The following TMEM163 variants were observed in gnomAD, a reference collection of about 807,000 sequenced individuals.
TMEM163 encodes transmembrane protein 163.
A neutral mutation model predicts 29.3 loss-of-function variants in TMEM163; 17 were observed. The observed-to-expected ratio is 0.58, with a 90% CI of 0.40 to 0.87. The LOEUF is 0.87. Among genes scored for constraint, TMEM163 ranks in the 40% least tolerant of loss-of-function variants. The probability of loss-of-function intolerance (pLI) is 0.00; values close to 1 mark genes in which losing one functional copy is unlikely to be tolerated. For missense variants in TMEM163, 303 were observed against 381.5 expected, an observed-to-expected ratio of 0.79 and a Z score of 1.71; for synonymous variants, 157 against 160.6, an observed-to-expected ratio of 0.98 and a Z score of 0.17.
intron 4 of TMEM163, among the ~76,000 whole-genome samples, chr2:134,516,115 C>CAT (rs1242493312): frequency 6.6e-6 from 1 of 152,132 alleles, no homozygotes; most frequent in African/African-American, 2.4e-5. Context: ...CTCAGCTGTT[C>CAT]ATAGCTTCTT....
intron 4 of TMEM163, among the ~76,000 whole-genome samples, chr2:134,526,258 G>A (rs908344992): frequency 2.6e-5 from 4 of 152,308 alleles, no homozygotes; most frequent in African/African-American, 7.2e-5. Flanking sequence ...AAAAGGGAGC[G>A]TACACTTCAG....
At chr2:134,624,971 A>G (rs1682816385) in intron 2 of TMEM163, among the ~76,000 whole-genome samples, 1 of 152,086 alleles carries the variant, frequency 6.6e-6, no homozygotes, top group African/African-American at 2.4e-5. Flanking sequence ...TCCACAATGA[A>G]CCCTTTTTAT....
chr2:134,470,218 G>A (rs1466848483), intron 5 of TMEM163, among the ~76,000 whole-genome samples: 2 of 152,116 alleles, frequency 1.3e-5, no homozygotes, highest in East Asian at 1.9e-4. Flanking sequence ...TTAGCTGGGC[G>A]CGGTGGCGGG....
At chr2:134,530,044 T>C (rs1043323665) in intron 4 of TMEM163, among the ~76,000 whole-genome samples, 5 of 151,878 alleles carry the variant, frequency 3.3e-5, no homozygotes, top group Admixed American at 3.3e-4. Flanking sequence ...CACAGGAAAA[T>C]TAGACATACA....
At chr2:134,633,520 A>G (rs1168590603) in intron 2 of TMEM163, among the ~76,000 whole-genome samples, 1 of 152,198 alleles carries the variant, frequency 6.6e-6, no homozygotes, top group Non-Finnish European at 1.5e-5. Flanking sequence ...AAAATTAGAA[A>G]GATGGGAGCT....
chr2:134,672,839 T>C (rs987233717), intron 2 of TMEM163, among the ~76,000 whole-genome samples: 5 of 152,126 alleles, frequency 3.3e-5, no homozygotes, highest in African/African-American at 1.2e-4. Flanking sequence ...CCATCAATTC[T>C]ACCTCCCCAT....
At chr2:134,584,832 A>G (rs984391792) in intron 2 of TMEM163, among the ~76,000 whole-genome samples, 4 of 152,142 alleles carry the variant, frequency 2.6e-5, no homozygotes, top group Non-Finnish European at 5.9e-5. Flanking sequence ...GTAAACTTAG[A>G]GTAGTATTTC....
chr2:134,689,404 G>C (rs1364515271), intron 2 of TMEM163, among the ~76,000 whole-genome samples: 1 of 152,126 alleles, frequency 6.6e-6, no homozygotes, highest in Non-Finnish European at 1.5e-5. Flanking sequence ...CACCATGCCT[G>C]GAGACAATTT....
At chr2:134,638,624 C>A (rs1301868721) in intron 2 of TMEM163, among the ~76,000 whole-genome samples, 3 of 152,084 alleles carry the variant, frequency 2.0e-5, no homozygotes, top group African/African-American at 4.8e-5. Context: ...GATTTAGGAC[C>A]AATACAGGAG....
chr2:134,512,660 A>G (rs577831213), intron 4 of TMEM163, among the ~76,000 whole-genome samples: 2 of 152,320 alleles, frequency 1.3e-5, no homozygotes, highest in African/African-American at 4.8e-5. Context: ...ATGCAGGTAT[A>G]GGGAGAAGCA....
At chr2:134,698,495 T>C (rs1466213947) in intron 2 of TMEM163, among the ~76,000 whole-genome samples, 1 of 152,242 alleles carries the variant, frequency 6.6e-6, no homozygotes, top group Non-Finnish European at 1.5e-5. Flanking sequence ...TAAGCCCATT[T>C]TATTAGTCTT....
chr2:134,555,791 T>A (rs1681036261), intron 2 of TMEM163, among the ~76,000 whole-genome samples: 1 of 152,242 alleles, frequency 6.6e-6, no homozygotes, highest in African/African-American at 2.4e-5. Flanking sequence ...TGAAGATGTG[T>A]CATTTGGGGC....
intron 6 of TMEM163, among the ~76,000 whole-genome samples, chr2:134,465,199 AAAAACAAAAAC>A (rs1033291023): frequency 8.7e-6 from 1 of 114,612 alleles, no homozygotes; most frequent in African/African-American, 4.3e-5. Flanking sequence ...TAAAAAAAAA[AAAAACAAAAAC>A]AAAACAAAAA....
chr2:134,715,320 C>G (rs991228644), intron 1 of TMEM163, among the ~76,000 whole-genome samples: 3 of 152,168 alleles, frequency 2.0e-5, no homozygotes, highest in African/African-American at 4.8e-5. Flanking sequence ...ACAGCACCCC[C>G]CTGGAGGAGT....
intron 5 of TMEM163, among the ~76,000 whole-genome samples, chr2:134,488,243 A>G (rs1324395915): frequency 2.0e-5 from 3 of 152,160 alleles, no homozygotes; most frequent in Admixed American, 6.5e-5. Flanking sequence ...TTTTATCTTG[A>G]ACTCCTGATC....
intron 2 of TMEM163, among the ~76,000 whole-genome samples, chr2:134,599,954 A>T: frequency 6.6e-6 from 1 of 152,146 alleles, no homozygotes. Flanking sequence ...CCCTACACAC[A>T]TCTAGAGTCA....
At chr2:134,666,318 A>G (rs1683872804) in intron 2 of TMEM163, among the ~76,000 whole-genome samples, 1 of 151,868 alleles carries the variant, frequency 6.6e-6, no homozygotes, top group African/African-American at 2.4e-5. Context: ...CACAGCCTAG[A>G]AACTCCAACA....
At chr2:134,607,001 G>A (rs1266775817) in intron 2 of TMEM163, among the ~76,000 whole-genome samples, 7 of 146,750 alleles carry the variant, frequency 4.8e-5, no homozygotes, top group Admixed American at 4.1e-4. Flanking sequence ...GAACTGTGCT[G>A]GTGAAAAGGA....
chr2:134,486,010 T>C lies in TMEM163; in HGVS notation c.555+16891A>G, dbSNP rs1679298287. On this transcript the variant is annotated intron_variant, in intron 5 of 7. Coordinates refer to ENST00000281924, the MANE Select transcript of TMEM163 (RefSeq NM_030923.5). Reference sequence around the variant, plus strand: ...GTTGGCCATCAGGCCTGAAGAATCATCTGAACTCTCAGATTTATAACTATC... The same window carrying C: ...GTTGGCCATCAGGCCTGAAGAATCACCTGAACTCTCAGATTTATAACTATC... 2.0e-5 allele frequency among the ~76,000 whole-genome samples: 3 copies of C among 152,170 alleles called. No individual in the cohort carries two copies. The South Asian group carries it at 6.2e-4, about 32-fold the overall frequency.
Sources: allele counts gnomAD v4.1 joint callset (sites outside exome capture counted in the v4.1 genomes callset), GRCh38; gene constraint gnomAD v4.1.1; transcripts MANE v1.5; gene names NCBI Gene and HGNC (gene_info 2026-07-23, HGNC 2026-07-21).